ADGRA1: variants seen among roughly 807,000 people sequenced by gnomAD.
ADGRA1 encodes the protein G-protein coupled receptor 123.
A neutral mutation model predicts 21.3 loss-of-function variants in ADGRA1; 12 were observed. The ratio of observed to expected loss-of-function variants is 0.56; its 90% CI spans 0.36 to 0.91. The LOEUF (loss-of-function observed/expected upper bound fraction) is 0.91. ADGRA1 is among the 40% of genes least tolerant of loss of function. The pLI is 0.01. For missense variants in ADGRA1, 790 were observed against 805.6 expected (o/e 0.98, Z 0.23); for synonymous variants, 385 against 368.8 (o/e 1.04, Z -0.50).
At chr10:133,110,990 A>G (rs1851979304) in intron 5 of ADGRA1, among the ~76,000 whole-genome samples, 1 of 152,082 alleles carries the variant, frequency 6.6e-6, no homozygotes. Context: ...TGAATCTGTT[A>G]AGTGGAAATG....
chr10:133,090,385 A>C (rs369608338), intron 2 of ADGRA1, among the ~76,000 whole-genome samples: 1 of 152,242 alleles, frequency 6.6e-6, no homozygotes, highest in Non-Finnish European at 1.5e-5. Flanking sequence ...AGACTGTGAA[A>C]GCCTGCTGAG....
chr10:133,117,344 G>C (rs777797592), intron 5 of ADGRA1, among the ~76,000 whole-genome samples: 1 of 152,178 alleles, frequency 6.6e-6, no homozygotes, highest in Non-Finnish European at 1.5e-5. Flanking sequence ...CCTGGCCTGA[G>C]TGAGTGCCCG....
intron 5 of ADGRA1, among the ~76,000 whole-genome samples, chr10:133,113,177 TTATTTGAGG>T (rs1852093814): frequency 6.7e-6 from 1 of 149,980 alleles, no homozygotes; most frequent in East Asian, 1.9e-4. Flanking sequence ...GCCGCGTCGG[TTATTTGAGG>T]TCTGTAAGCC....
intron 2 of ADGRA1, among the ~76,000 whole-genome samples, chr10:133,094,449 G>A (rs902141072): frequency 1.3e-5 from 2 of 152,174 alleles, no homozygotes; most frequent in East Asian, 1.9e-4. Flanking sequence ...CAGTGGCACC[G>A]CCCCTCGCCC....
At chr10:133,127,067 G>A (rs1302412966) in intron 5 of ADGRA1, among the ~76,000 whole-genome samples, 166 bp from the exon 6 acceptor site, 1 of 151,686 alleles carries the variant, frequency 6.6e-6, no homozygotes, top group Non-Finnish European at 1.5e-5. Context: ...CTGGCTGCTC[G>A]GTCAGTGGTC....
At chr10:133,127,387 A>T in intron 6 of ADGRA1, 56 bp downstream of exon 6, 2 of 1,332,156 alleles carry the variant, frequency 1.5e-6, no homozygotes, top group Non-Finnish European at 2.1e-6. Context: ...GCTCTGCCTG[A>T]GGTCCCTCCC....
chr10:133,093,709 C>A (rs538189101), intron 2 of ADGRA1, among the ~76,000 whole-genome samples: 1 of 152,360 alleles, frequency 6.6e-6, no homozygotes, highest in East Asian at 1.9e-4. Context: ...TTCTTCACCC[C>A]CCAGGAGCCT....
intron 5 of ADGRA1, among the ~76,000 whole-genome samples, chr10:133,105,313 T>G (rs1851873559): frequency 6.6e-6 from 1 of 151,754 alleles, no homozygotes; most frequent in South Asian, 2.1e-4. Flanking sequence ...AGTGGCCGAG[T>G]CTCAGCCGCC....
intron 5 of ADGRA1, among the ~76,000 whole-genome samples, chr10:133,121,470 G>A (rs1309259261): frequency 9.9e-5 from 15 of 151,204 alleles, no homozygotes; most frequent in Non-Finnish European, 1.6e-4. Flanking sequence ...GTCAGTGTGC[G>A]TGTGTGCATG....
At position 133,124,984 on chromosome 10, in the gene ADGRA1, A is replaced by G. The variant is rs570790816; in HGVS notation, c.402-2249A>G. Among the ~76,000 whole-genome samples the G allele has an allele frequency of 2.1e-3, 314 of 152,352 alleles. 2 individuals carry two copies. Among genetic ancestry groups the G allele is most frequent in the African/African-American group, 7.3e-3 (303 of 41,588 alleles). On this transcript the variant is annotated intron_variant, in intron 5 of 6. Transcript: ENST00000392607. ...GTGGTGCGCCGTGGGTCCGTCCTGC[A>G]CCACTCCTGTGTGCTGTGGGTCCAT...
Position 133,131,311 on chromosome 10 carries a change from C to T in ADGRA1, c.*1800C>T, listed in dbSNP as rs1852522250. On this transcript the variant is annotated 3_prime_UTR_variant, in exon 7 of 7. Transcript: ENST00000392607. ...TCGGAGGACCACCAGGTGGCTCTGC[C>T]TCTGCCTCACCTTCTCACCTGCTTC... is the stretch of plus-strand genomic sequence containing the variant. 6.6e-6 allele frequency: 1 copy of T among 152,370 alleles called. No individual in the cohort carries two copies. The highest frequency in any genetic ancestry group is 1.9e-4 in the East Asian group (1 of 5,202). The allele number at this position is 152,370 out of a possible 1,614,324, so 9.4% of individuals were successfully genotyped here.
At chr10:133,090,516 T>C (rs1712436301) in intron 2 of ADGRA1, among the ~76,000 whole-genome samples, 1 of 152,200 alleles carries the variant, frequency 6.6e-6, no homozygotes, top group African/African-American at 2.4e-5. Flanking sequence ...GCTGCATCAG[T>C]CTGGTGCAGC....
chr10:133,116,662 C>G (rs369212606), intron 5 of ADGRA1, among the ~76,000 whole-genome samples: 1 of 152,014 alleles, frequency 6.6e-6, no homozygotes, highest in Non-Finnish European at 1.5e-5. Context: ...ACGGGCAGCC[C>G]GAGGAGGGCC....
chr10:133,128,194 G>T (rs1404200679), intron 6 of ADGRA1, 135 bp from the exon 7 acceptor site: 2 of 616,158 alleles, frequency 3.2e-6, no homozygotes, highest in Non-Finnish European at 2.7e-6. Context: ...CTCTAGAAAC[G>T]CCCAAGGCCC....
chr10:133,118,259 C>T (rs1173014213), intron 5 of ADGRA1, among the ~76,000 whole-genome samples: 4 of 152,142 alleles, frequency 2.6e-5, no homozygotes, highest in African/African-American at 4.8e-5. Context: ...ACGGTGCCCA[C>T]AGGATTTTTA....
chr10:133,102,546 G>A (rs1050903214), intron 4 of ADGRA1, 151 bp from the exon 5 acceptor site: 15 of 843,860 alleles, frequency 1.8e-5, no homozygotes, highest in South Asian at 1.2e-4. Flanking sequence ...AGTTCTGGGC[G>A]GCTGTGGGGC....
intron 2 of ADGRA1, 49 bp downstream of exon 2, chr10:133,088,961 C>CG (rs773304147): frequency 5.3e-5 from 66 of 1,235,844 alleles, no homozygotes; most frequent in African/African-American, 1.2e-4. Flanking sequence ...TAGGCCGCTG[C>CG]GGGGGGGCGG....
intron 2 of ADGRA1, 148 bp from the exon 3 acceptor site, chr10:133,096,826 C>G (rs1239566423): frequency 1.0e-6 from 1 of 994,686 alleles, no homozygotes; most frequent in Non-Finnish European, 1.5e-6. Flanking sequence ...CCGTACCTCC[C>G]CAGGCAGCCC....
chr10:133,111,996 T>C lies in ADGRA1; in HGVS notation c.401+9154T>C, dbSNP rs71484057. Among the ~76,000 whole-genome samples, 137 of 21,332 alleles carry C rather than the reference T, an allele frequency of 6.4e-3. 26 individuals are homozygous for C. Among genetic ancestry groups the C allele is most frequent in the South Asian group, 0.062 (31 of 498 alleles). 14.0% of individuals were successfully genotyped at this position (21,332 alleles called of 152,430 possible). On this transcript the variant is annotated intron_variant, in intron 5 of 6. Transcript: ENST00000392607. ...CCACAGGCACCTCCCTCCTAATGCC[T>C]CCAGACCACCTGCCCACCACAGACA... is the stretch of plus-strand genomic sequence containing the variant.
Sources: allele counts gnomAD v4.1 joint callset (sites outside exome capture counted in the v4.1 genomes callset), GRCh38; gene constraint gnomAD v4.1.1; transcripts MANE v1.5; gene names NCBI Gene and HGNC (gene_info 2026-07-23, HGNC 2026-07-21).